Variants in EML4 observed in about 807,000 individuals in gnomAD.
EML4 encodes echinoderm microtubule-associated protein-like 4.
Under a neutral mutation model 129.0 loss-of-function variants are expected in EML4, and 72 were observed. The observed-to-expected ratio is 0.56, with a 90% CI of 0.46 to 0.68. The LOEUF is 0.68. Ranked by LOEUF, EML4 falls within the 30% of genes least tolerant of loss-of-function variation. The pLI is 0.00. For missense variants in EML4, 1,363 were observed against 1,190.6 expected (o/e 1.14, Z -2.13); for synonymous variants, 532 against 405.0 (o/e 1.31, Z -3.77).
intron 1 of EML4, among the ~76,000 whole-genome samples, chr2:42,208,395 A>T (rs1240158985): frequency 4.0e-5 from 6 of 150,672 alleles, no homozygotes; most frequent in African/African-American, 1.5e-4. Flanking sequence ...TTTCTTTACA[A>T]TAGATTTATT....
At chr2:42,232,830 T>A (rs1572593709) in intron 1 of EML4, among the ~76,000 whole-genome samples, 1 of 152,144 alleles carries the variant, frequency 6.6e-6, no homozygotes, top group South Asian at 2.1e-4. Flanking sequence ...GTTCATGCCA[T>A]TCTCCTGCCT....
At chr2:42,174,693 T>A (rs1311428088) in intron 1 of EML4, among the ~76,000 whole-genome samples, 1 of 152,242 alleles carries the variant, frequency 6.6e-6, no homozygotes, top group African/African-American at 2.4e-5. Flanking sequence ...TTTTTAAATA[T>A]TATTTTAAAG....
chr2:42,288,521 A>G (rs10202848), intron 11 of EML4, 199 bp downstream of exon 11: 47,344 of 328,614 alleles, frequency 0.14, 3,610 homozygotes, highest in East Asian at 0.19. Flanking sequence ...TAGTCAAGCA[A>G]CTTGAAGCAA....
At chr2:42,271,209 A>G (rs534586029) in intron 6 of EML4, among the ~76,000 whole-genome samples, 1 of 152,310 alleles carries the variant, frequency 6.6e-6, no homozygotes, top group Admixed American at 6.5e-5. Flanking sequence ...TAAAATTTAC[A>G]TACTGTCCCT....
rs77947693 is a variant in EML4 at position 42,305,252 on chromosome 2, A to G, written c.1967+701A>G. On this transcript the variant is annotated intron_variant, in intron 17 of 22. Coordinates refer to ENST00000318522, the MANE Select transcript of EML4 (RefSeq NM_019063.5). Reference sequence around the variant, plus strand: ...GACACCATCTCTACAAAAAATAAAAATAATAAACATTATCACGAATTATAT... The same window carrying G: ...GACACCATCTCTACAAAAAATAAAAGTAATAAACATTATCACGAATTATAT... Among the ~76,000 whole-genome samples the G allele has an allele frequency of 9.7e-3, 1,483 of 152,332 alleles. 27 individuals are homozygous for G. Among genetic ancestry groups the G allele is most frequent in the African/African-American group, 0.033 (1,379 of 41,562 alleles).
At chr2:42,255,070 G>A (rs754389479) in intron 2 of EML4, among the ~76,000 whole-genome samples, 12 of 151,648 alleles carry the variant, frequency 7.9e-5, no homozygotes, top group African/African-American at 2.7e-4. Flanking sequence ...TAATGGATAC[G>A]CGGTTTTTGT....
intron 1 of EML4, among the ~76,000 whole-genome samples, chr2:42,216,785 TC>T (rs909671568): frequency 4.6e-5 from 7 of 152,218 alleles, no homozygotes; most frequent in African/African-American, 1.7e-4. Context: ...TGAGTTGCTT[TC>T]TTTGCAATGG....
chr2:42,227,994 C>T (rs570446879), intron 1 of EML4, among the ~76,000 whole-genome samples: 7 of 151,948 alleles, frequency 4.6e-5, no homozygotes, highest in East Asian at 1.9e-4. Context: ...CCAAGGTGGG[C>T]GGATTACTTG....
chr2:42,254,617 G>GT (rs59855376), intron 2 of EML4, among the ~76,000 whole-genome samples: 23 of 145,648 alleles, frequency 1.6e-4, no homozygotes, highest in African/African-American at 5.7e-4. Flanking sequence ...ACCCTCTTGA[G>GT]TTTTTTTTTT....
chr2:42,214,863 G>A (rs1673089511), intron 1 of EML4, among the ~76,000 whole-genome samples: 1 of 152,148 alleles, frequency 6.6e-6, no homozygotes, highest in South Asian at 2.1e-4. Context: ...CAGGAAAACA[G>A]TCTTAGATTC....
intron 1 of EML4, among the ~76,000 whole-genome samples, chr2:42,179,657 C>T (rs930369622): frequency 2.0e-5 from 3 of 152,106 alleles, no homozygotes; most frequent in African/African-American, 4.8e-5. Context: ...GGCTGGGGTG[C>T]GGTGGCATGA....
chr2:42,209,870 A>G (rs1672779541), intron 1 of EML4, among the ~76,000 whole-genome samples: 1 of 152,188 alleles, frequency 6.6e-6, no homozygotes, highest in Non-Finnish European at 1.5e-5. Context: ...CGGAGATTGC[A>G]GGGAGCCAAG....
chr2:42,266,078 G>A (rs911083045), intron 6 of EML4, among the ~76,000 whole-genome samples: 5 of 152,136 alleles, frequency 3.3e-5, no homozygotes, highest in African/African-American at 9.7e-5. Flanking sequence ...CAGCTGCAAC[G>A]TGGTTAAAGC....
chr2:42,253,986 A>G (rs1394495089), intron 2 of EML4, among the ~76,000 whole-genome samples: 1 of 152,234 alleles, frequency 6.6e-6, no homozygotes, highest in Non-Finnish European at 1.5e-5. Context: ...AAGCTATAGA[A>G]TAAGAGAAAA....
intron 1 of EML4, among the ~76,000 whole-genome samples, chr2:42,184,058 T>G (rs1353452141): frequency 6.6e-6 from 1 of 152,178 alleles, no homozygotes; most frequent in East Asian, 1.9e-4. Context: ...TGTTGTTTAG[T>G]AGTAGCACCT....
At chr2:42,218,946 G>A (rs946679346) in intron 1 of EML4, among the ~76,000 whole-genome samples, 7 of 152,104 alleles carry the variant, frequency 4.6e-5, no homozygotes, top group African/African-American at 1.7e-4. Flanking sequence ...ATACAAACAT[G>A]CACTGCAGCA....
chr2:42,264,102 T>G (rs969561828), intron 5 of EML4, among the ~76,000 whole-genome samples: 5 of 106,672 alleles, frequency 4.7e-5, no homozygotes, highest in African/African-American at 1.9e-4. Flanking sequence ...AAACAATACG[T>G]GTTTTTTTTT....
intron 17 of EML4, among the ~76,000 whole-genome samples, chr2:42,307,577 T>C (rs1308809199): frequency 6.6e-6 from 1 of 152,256 alleles, no homozygotes; most frequent in Non-Finnish European, 1.5e-5. Flanking sequence ...AAAATCTTAA[T>C]GTAGCCATTC....
rs1667425181 is a variant in EML4, at chr2:42,288,269, C to T, written c.1165C>T (p.His389Tyr). 6.4e-7 allele frequency: 1 copy of T among 1,574,208 alleles called. No individual in the cohort carries two copies. The stretch of plus-strand genomic sequence containing the variant: ...ATGTATTATTGATGACTCCAATGAG[C>T]ATATGCTTACTGTATGGGACTGGCA... ...HLCIIDDSNEHMLTVWDWQKK... is the reference protein window; with the variant it reads ...HLCIIDDSNEYMLTVWDWQKK... Residue 389 changes from histidine to tyrosine, a missense_variant, in exon 11 of 23, where the codon CAT (histidine) becomes TAT (tyrosine). By Grantham distance (83) the His-to-Tyr change is moderately conservative. Transcript: ENST00000318522.
Sources: allele counts gnomAD v4.1 joint callset (sites outside exome capture counted in the v4.1 genomes callset), GRCh38; gene constraint gnomAD v4.1.1; transcripts MANE v1.5; gene names NCBI Gene and HGNC (gene_info 2026-07-23, HGNC 2026-07-21).